C17orf75: variants seen among roughly 807,000 people sequenced by gnomAD.
The protein encoded by C17orf75 is protein Njmu-R1.
A neutral mutation model predicts 49.6 loss-of-function variants in C17orf75; 32 were observed. The observed-to-expected ratio is 0.65, with a 90% confidence interval of 0.49 to 0.87. The LOEUF is 0.87. Ranked by LOEUF, C17orf75 falls within the 40% of genes least tolerant of loss-of-function variation. The pLI is 0.00. For synonymous variants in C17orf75, 158 were observed against 159.5 expected (o/e 0.99, Z 0.07); for missense variants, 428 against 473.9 (o/e 0.90, Z 0.90).
In C17orf75 at chr17:32,329,587, G is replaced by A. The variant is rs2041258455; in HGVS notation, c.*2176C>T. 6.6e-6 allele frequency: 1 copy of A among 151,470 alleles called. No individual in the cohort carries two copies. The highest frequency in any genetic ancestry group is 2.4e-5 in the African/African-American group (1 of 41,166). 9.4% of individuals were successfully genotyped at this position (151,470 alleles called of 1,614,324 possible). On this transcript the variant is annotated 3_prime_UTR_variant, in exon 10 of 10. Transcript: ENST00000577809. ...TTACAAAAATATATACAACCACACA[G>A]AGAATATGTAATTACACCTTGCCTA...
In C17orf75 at chr17:32,331,083, C is replaced by T. The variant is rs1160619017; in HGVS notation, c.*680G>A. On this transcript the variant is annotated 3_prime_UTR_variant, in exon 10 of 10. Coordinates refer to ENST00000577809, the MANE Select transcript of C17orf75 (RefSeq NM_022344.4). Reference sequence around the variant, plus strand: ...CAGGATGGTCTCGATCTCCTGACCTCATGATCTGCCCGCCTCAGCCTCCCA... The same window carrying T: ...CAGGATGGTCTCGATCTCCTGACCTTATGATCTGCCCGCCTCAGCCTCCCA... 2 of 152,302 alleles carry T rather than the reference C, an allele frequency of 1.3e-5. No individual in the cohort carries two copies. Among genetic ancestry groups the T allele is most frequent in the Non-Finnish European group, 2.9e-5 (2 of 68,154 alleles). 9.4% of individuals were successfully genotyped at this position (152,302 alleles called of 1,614,324 possible). A position where few individuals can be genotyped will look rare whatever the true frequency, so the allele number is the denominator to read the frequency against.
chr17:32,336,461 G>A (rs550951053), intron 5 of C17orf75, among the ~76,000 whole-genome samples: 22 of 152,274 alleles, frequency 1.4e-4, no homozygotes, highest in African/African-American at 4.8e-4. Flanking sequence ...TGATCTGCCC[G>A]CTTTGGCCTC....
intron 1 of C17orf75, 35 bp downstream of exon 1, chr17:32,341,965 C>T: frequency 1.5e-6 from 2 of 1,355,272 alleles, no homozygotes; most frequent in Non-Finnish European, 1.9e-6. Flanking sequence ...GCCGCAGGGG[C>T]GGGCGGGCTG....
In C17orf75 at chr17:32,329,887, G is replaced by A. The variant is rs1009615447; in HGVS notation, c.*1876C>T. On this transcript the variant is annotated 3_prime_UTR_variant, in exon 10 of 10. Transcript: ENST00000577809. The stretch of plus-strand genomic sequence containing the variant: ...AGACAGAGTCTCGCTCTGTCACTCA[G>A]GTTGGAATGCAGTGGCGCGATCTCG... 13 of 152,264 alleles carry A rather than the reference G, an allele frequency of 8.5e-5. No homozygotes were observed. The highest frequency in any genetic ancestry group is 1.8e-4 in the Non-Finnish European group (12 of 68,076). 9.4% of individuals were successfully genotyped at this position (152,264 alleles called of 1,614,324 possible). A position where few individuals can be genotyped will look rare whatever the true frequency, so the allele number is the denominator to read the frequency against.
chr17:32,339,157 T>G (rs181594097), intron 3 of C17orf75, among the ~76,000 whole-genome samples: 1 of 151,860 alleles, frequency 6.6e-6, no homozygotes, highest in Admixed American at 6.6e-5. Flanking sequence ...GGACTAAGAA[T>G]GCTCATGTTT....
intron 1 of C17orf75, among the ~76,000 whole-genome samples, chr17:32,348,823 T>G (rs1258382551): frequency 6.6e-6 from 1 of 151,290 alleles, no homozygotes; most frequent in Non-Finnish European, 1.5e-5. Flanking sequence ...CTAGCCTCCC[T>G]AGGATTATCT....
Position 32,331,974 on chromosome 17 carries a change from A to G in C17orf75, c.980T>C (p.Ile327Thr), listed in dbSNP as rs1358240874. The G allele has an allele frequency of 6.2e-7, 1 of 1,607,644 alleles. No homozygotes were observed. The highest frequency in any genetic ancestry group is 8.5e-7 in the Non-Finnish European group (1 of 1,176,724). The change falls in exon 10 of 10, where the codon ATA (isoleucine) becomes ACA (threonine). Residue 327 changes from isoleucine (I) to threonine (T), a missense_variant. Ile to Thr is a moderately conservative substitution (Grantham distance 89, BLOSUM62 -1). Coordinates refer to ENST00000577809, the MANE Select transcript of C17orf75 (RefSeq NM_022344.4). ...QVLENFKLKA[I>T]QDTNNLKRFI... Reference sequence around the variant, plus strand: ...TCTCTTCAAATTGTTTGTGTCTTGTATGGCCTAGAAAATGATTACCCAGTT... The same window carrying G: ...TCTCTTCAAATTGTTTGTGTCTTGTGTGGCCTAGAAAATGATTACCCAGTT...
chr17:32,349,706 C>G (rs1183298548), intron 1 of C17orf75, among the ~76,000 whole-genome samples: 1 of 152,192 alleles, frequency 6.6e-6, no homozygotes, highest in African/African-American at 2.4e-5. Context: ...CCCTCAACGC[C>G]GCACTGAGAA....
chr17:32,349,894 T>C (rs988448913), intron 1 of C17orf75: 15 of 1,052,638 alleles, frequency 1.4e-5, no homozygotes, highest in African/African-American at 1.7e-5. Flanking sequence ...TGGCAATCTT[T>C]TCCGTTTTTT....
intron 3 of C17orf75, among the ~76,000 whole-genome samples, chr17:32,338,713 A>G (rs550215185): frequency 6.6e-6 from 1 of 152,342 alleles, no homozygotes; most frequent in South Asian, 2.1e-4. Flanking sequence ...ATGTGCCTGA[A>G]GGTGGCCTTA....
chr17:32,335,076 T>C (rs1025863281), intron 6 of C17orf75, among the ~76,000 whole-genome samples: 13 of 152,254 alleles, frequency 8.5e-5, no homozygotes, highest in African/African-American at 2.7e-4. Context: ...CTTTCCCAGA[T>C]CACTTGGAAA....
At chr17:32,349,330 C>T (rs944301814) in intron 1 of C17orf75, among the ~76,000 whole-genome samples, 7 of 152,180 alleles carry the variant, frequency 4.6e-5, no homozygotes, top group African/African-American at 1.7e-4. Flanking sequence ...AGCCTGCAAT[C>T]CAGCACTTTG....
In C17orf75 at chr17:32,331,829, A is replaced by G; in HGVS notation, c.1125T>C (p.Pro375=). The stretch of plus-strand genomic sequence containing the variant: ...GGACAGCTATCACATTTTTGGCTTC[A>G]GGCATTTCTTCATGTTCCACTTTAA... ...KIVKVEHEEM[P]EAKNVIAVLE... Residue 375 remains proline, a synonymous_variant, in exon 10 of 10, where the codon CCT becomes CCC. Coordinates refer to ENST00000577809, the MANE Select transcript of C17orf75 (RefSeq NM_022344.4). 6.2e-7 allele frequency: 1 copy of G among 1,613,828 alleles called. No homozygotes were observed. The highest frequency in any genetic ancestry group is 8.5e-7 in the Non-Finnish European group (1 of 1,179,820).
chr17:32,341,885 G>A, intron 1 of C17orf75, 115 bp downstream of exon 1: 2 of 1,094,784 alleles, frequency 1.8e-6, no homozygotes, highest in Non-Finnish European at 2.2e-6. Flanking sequence ...AGGAGAAGAT[G>A]GCTTTTAGGA....
Position 32,337,892 on chromosome 17 carries a change from C to G in C17orf75, c.549+5G>C. The G allele has an allele frequency of 6.2e-7, 1 of 1,602,026 alleles. No homozygotes were observed. The highest frequency in any genetic ancestry group is 8.5e-7 in the Non-Finnish European group (1 of 1,173,378). ...CTTTAAAAACCATTAAGTCAGTCACCTTACCTCACAATTCATGTTATTTTT... is the reference window on the plus strand; with the variant it reads ...CTTTAAAAACCATTAAGTCAGTCACGTTACCTCACAATTCATGTTATTTTT... On this transcript the variant is annotated splice_donor_5th_base_variant and intron_variant, in intron 5 of 9. Transcript: ENST00000577809.
Position 32,333,476 on chromosome 17 carries a change from C to G in C17orf75, c.916G>C (p.Gly306Arg). ...CEDWMQAFLN[G>R]AKGGNPFLFR... ...AGAAAAGGGTTACCTCCTTTGGCAC[C>G]ATTTAAAAAAGCTTGCATCCAATCC... Residue 306 changes from glycine to arginine, a missense_variant, in exon 9 of 10, where the codon GGT becomes CGT. Gly to Arg is a moderately radical substitution (Grantham distance 125). Transcript: ENST00000577809. 6.2e-7 allele frequency: 1 copy of G among 1,613,522 alleles called. No individual in the cohort carries two copies. The highest frequency in any genetic ancestry group is 1.1e-5 in the South Asian group (1 of 90,936).
Position 32,339,833 on chromosome 17 carries a change from A to G in C17orf75, c.327T>C (p.Asn109=). The change falls in exon 3 of 10, where the codon AAT becomes AAC. Residue 109 remains asparagine (N), a synonymous_variant. Transcript: ENST00000577809. ...SRGAVFEGLG[N]VASVELKIPG... ...CTTACTTTAGCTCCACAGATGCAACATTACCCAGCCCTTCAAAGACTGCAC... is the reference window on the plus strand; with the variant it reads ...CTTACTTTAGCTCCACAGATGCAACGTTACCCAGCCCTTCAAAGACTGCAC... 1.2e-6 allele frequency: 2 copies of G among 1,614,030 alleles called. No homozygotes were observed. The highest frequency in any genetic ancestry group is 1.7e-6 in the Non-Finnish European group (2 of 1,179,896).
upstream of C17orf75, chr17:32,343,890 T>C (rs79217935): frequency 2.4e-5 from 16 of 679,730 alleles, no homozygotes; most frequent in Admixed American, 3.3e-4. Flanking sequence ...ACCACAGTCA[T>C]GAGGATGGTA....
intron 5 of C17orf75, 42 bp downstream of exon 5, chr17:32,337,855 C>G: frequency 1.3e-6 from 2 of 1,560,322 alleles, no homozygotes; most frequent in Non-Finnish European, 1.7e-6. Context: ...CTGAGCCTGG[C>G]CCCATTTCAG....
Sources: gnomAD v4.1 joint callset for allele counts (sites outside exome capture counted in the v4.1 genomes callset) on GRCh38, gnomAD v4.1.1 for gene constraint, MANE v1.5 for transcripts, NCBI Gene and HGNC (gene_info 2026-07-23, HGNC 2026-07-21) for gene names.